TOGARAM1: variants seen among roughly 807,000 people sequenced by gnomAD.
The protein encoded by TOGARAM1 is TOG array regulator of axonemal microtubules protein 1.
Under a neutral mutation model 166.6 loss-of-function variants are expected in TOGARAM1, and 100 were observed. The ratio of observed to expected loss-of-function variants is 0.60; its 90% CI spans 0.51 to 0.71. TOGARAM1 has a LOEUF of 0.71. Ranked by LOEUF, TOGARAM1 falls within the 30% of genes least tolerant of loss-of-function variation. The pLI, the probability that TOGARAM1 is intolerant of heterozygous loss-of-function variation, is 0.00. For synonymous variants in TOGARAM1, 758 were observed against 763.8 expected, an observed-to-expected ratio of 0.99 and a Z score of 0.13; for missense variants, 2,029 against 2,102.7, an observed-to-expected ratio of 0.96 and a Z score of 0.69.
rs552663476 is a variant in TOGARAM1, at chr14:45,051,809, C to T, written c.4314-627C>T. Among the ~76,000 whole-genome samples the T allele has an allele frequency of 1.4e-4, 21 of 152,236 alleles. No homozygotes were observed. The South Asian group carries it at 3.5e-3, about 26-fold the overall frequency. On this transcript the variant is annotated intron_variant, in intron 14 of 19. Coordinates refer to ENST00000361462, the MANE Select transcript of TOGARAM1 (RefSeq NM_001308120.2). ...ACTCCTGACCTTGTGATCCACCTGC[C>T]TTGGCCTCCCAAAGTGCTGGGATTA...
At chr14:45,028,615 A>G (rs1880997755) in intron 10 of TOGARAM1, among the ~76,000 whole-genome samples, 1 of 152,162 alleles carries the variant, frequency 6.6e-6, no homozygotes. Context: ...ATTTTATAGT[A>G]GATAACTGAG....
intron 14 of TOGARAM1, among the ~76,000 whole-genome samples, chr14:45,047,216 C>G (rs767427856): frequency 2.6e-5 from 4 of 151,590 alleles, no homozygotes; most frequent in Non-Finnish European, 4.4e-5. Context: ...ATGGTGAAAC[C>G]CCGTCTCTAC....
At position 44,999,481 on chromosome 14, in the gene TOGARAM1, C is replaced by T. The variant is rs1463883138; in HGVS notation, c.2322C>T (p.Ser774=). The stretch of plus-strand genomic sequence containing the variant: ...ACTTACAATTCCTAGGGACAACTAG[C>T]AGTCATCAAGAAAAAGGTATAAGTT... ...GSDLQFLGTT[S]SHQEKVYASL... The change falls in exon 3 of 20, where the codon AGC becomes AGT. Residue 774 remains serine (S), a synonymous_variant. Transcript: ENST00000361462. 9.3e-6 allele frequency: 15 copies of T among 1,605,696 alleles called. No homozygotes were observed. The highest frequency in any genetic ancestry group is 1.2e-5 in the Non-Finnish European group (14 of 1,175,462).
chr14:45,041,312 A>T (rs146094025), intron 11 of TOGARAM1, among the ~76,000 whole-genome samples: 1,604 of 151,952 alleles, frequency 0.011, 33 homozygotes, highest in African/African-American at 0.037. Flanking sequence ...GAGGCAGGAG[A>T]ATCACATGAA....
In TOGARAM1 at chr14:45,001,547, A is replaced by G. The variant is rs147808926; in HGVS notation, c.2338+2050A>G. On this transcript the variant is annotated intron_variant, in intron 3 of 19. Coordinates refer to ENST00000361462, the MANE Select transcript of TOGARAM1 (RefSeq NM_001308120.2). Reference sequence around the variant, plus strand: ...ACCAGAATATATAAGGAACTCAAACAATTCAATAGCAAAAAAACAAAAATA... The same window carrying G: ...ACCAGAATATATAAGGAACTCAAACGATTCAATAGCAAAAAAACAAAAATA... Among the ~76,000 whole-genome samples the G allele has an allele frequency of 3.0e-4, 45 of 152,316 alleles. 1 individual carries two copies. In the East Asian group the frequency reaches 7.3e-3, roughly 25 times the overall value.
At chr14:45,056,263 A>G (rs1015811110) in intron 16 of TOGARAM1, among the ~76,000 whole-genome samples, 1 of 152,136 alleles carries the variant, frequency 6.6e-6, no homozygotes, top group Admixed American at 6.5e-5. Context: ...TATCAAATCT[A>G]AGAGTCTTTT....
Position 44,963,647 on chromosome 14 carries a change from A to C in TOGARAM1, c.1226A>C (p.Lys409Thr), listed in dbSNP as rs1885342848. Residue 409 changes from lysine (K) to threonine (T), a missense_variant, in exon 1 of 20, where the codon AAA (lysine) becomes ACA (threonine). Around this residue, in one of 2 missense-constraint regions of TOGARAM1, gnomAD observed 1,453 missense variants for 1,432.2 expected, o/e 1.01. Coordinates refer to ENST00000361462, the MANE Select transcript of TOGARAM1 (RefSeq NM_001308120.2). Reference sequence around the variant, plus strand: ...AATTTGTTAGACGATTCTAACTTCAAAGTGGTGCATGGCACACTTGAAGTC... The same window carrying C: ...AATTTGTTAGACGATTCTAACTTCACAGTGGTGCATGGCACACTTGAAGTC... ...LYNLLDDSNFKVVHGTLEVLH... is the reference protein window; with the variant it reads ...LYNLLDDSNFTVVHGTLEVLH... 2.5e-6 allele frequency: 4 copies of C among 1,613,380 alleles called. No homozygotes were observed. The East Asian group carries it at 8.9e-5, about 36-fold the overall frequency.
intron 16 of TOGARAM1, among the ~76,000 whole-genome samples, chr14:45,064,301 A>G (rs1172506677): frequency 6.6e-6 from 1 of 151,990 alleles, no homozygotes; most frequent in Non-Finnish European, 1.5e-5. Flanking sequence ...ATTTTTTATT[A>G]ATTTTTAATA....
chr14:45,036,921 C>T (rs1230991864), intron 11 of TOGARAM1, among the ~76,000 whole-genome samples: 3 of 152,112 alleles, frequency 2.0e-5, no homozygotes, highest in South Asian at 2.1e-4. Flanking sequence ...AGAATCATGG[C>T]GGGAGACAAA....
chr14:45,049,551 A>AC (rs1391869525), intron 14 of TOGARAM1, among the ~76,000 whole-genome samples: 1 of 151,916 alleles, frequency 6.6e-6, no homozygotes, highest in African/African-American at 2.4e-5. Flanking sequence ...GAGCCACCGC[A>AC]CCCGGCCAGA....
chr14:45,015,542 G>A (rs1378743585), intron 7 of TOGARAM1, among the ~76,000 whole-genome samples: 3 of 147,730 alleles, frequency 2.0e-5, no homozygotes, highest in Non-Finnish European at 4.5e-5. Context: ...TAAAATTTTT[G>A]TTATTCATTA....
At chr14:45,038,722 A>C (rs930856834) in intron 11 of TOGARAM1, among the ~76,000 whole-genome samples, 4 of 152,240 alleles carry the variant, frequency 2.6e-5, no homozygotes, top group Admixed American at 2.6e-4. Context: ...CGTTGCCCAC[A>C]ATGTCATGAG....
intron 3 of TOGARAM1, among the ~76,000 whole-genome samples, chr14:45,000,143 TA>T (rs1887628971): frequency 6.6e-6 from 1 of 151,986 alleles, no homozygotes; most frequent in Non-Finnish European, 1.5e-5. Flanking sequence ...GGACTACAGG[TA>T]CACGCCACCA....
At chr14:44,992,992 GT>G (rs1887228236) in intron 1 of TOGARAM1, among the ~76,000 whole-genome samples, 1 of 151,780 alleles carries the variant, frequency 6.6e-6, no homozygotes, top group Non-Finnish European at 1.5e-5. Context: ...GCTGTGTGTA[GT>G]GGCTCACGCC....
At chr14:45,016,696 C>G (rs1449474724) in intron 7 of TOGARAM1, among the ~76,000 whole-genome samples, 1 of 152,078 alleles carries the variant, frequency 6.6e-6, no homozygotes, top group East Asian at 1.9e-4. Flanking sequence ...CATACCTGGC[C>G]TCATTGTAAT....
intron 2 of TOGARAM1, chr14:44,997,201 A>C (rs1200298606): frequency 6.6e-6 from 1 of 152,106 alleles, no homozygotes. Context: ...CAGTCAAGAG[A>C]CTGAGACCAT....
At position 44,962,453 on chromosome 14, in the gene TOGARAM1, T is replaced by C. The variant is rs201842534; in HGVS notation, c.32T>C (p.Leu11Pro). 3.1e-5 allele frequency: 49 copies of C among 1,582,582 alleles called. No homozygotes were observed. Among genetic ancestry groups the C allele is most frequent in the Middle Eastern group, 1.7e-4 (1 of 5,896 alleles). Reference protein sequence around the residue: MAAAPSALLLLPPFPVLSTYR... With the variant: MAAAPSALLLPPPFPVLSTYR... ...GCTGCCCCCTCCGCGCTGCTTCTGC[T>C]GCCGCCCTTTCCAGTCCTCTCTACC... Residue 11 changes from leucine to proline, a missense_variant, in exon 1 of 20, where the codon CTG (leucine) becomes CCG (proline). Leu to Pro is a moderately conservative substitution (Grantham distance 98). Coordinates refer to ENST00000361462, the MANE Select transcript of TOGARAM1 (RefSeq NM_001308120.2).
intron 14 of TOGARAM1, among the ~76,000 whole-genome samples, chr14:45,047,652 C>T (rs1362823765): frequency 6.6e-6 from 1 of 152,080 alleles, no homozygotes; most frequent in Non-Finnish European, 1.5e-5. Flanking sequence ...CATTGTTTGT[C>T]CTTAAGCAAG....
intron 16 of TOGARAM1, among the ~76,000 whole-genome samples, chr14:45,059,128 A>G (rs1438232007): frequency 6.6e-6 from 1 of 152,084 alleles, no homozygotes; most frequent in Non-Finnish European, 1.5e-5. Context: ...CAAGGTCTGG[A>G]GTGCAGTGGT....
Sources: allele counts gnomAD v4.1 joint callset (sites outside exome capture counted in the v4.1 genomes callset), GRCh38; gene constraint gnomAD v4.1.1; regional missense constraint gnomAD v4.1.1; transcripts MANE v1.5; gene names NCBI Gene and HGNC (gene_info 2026-07-23, HGNC 2026-07-21).